Variants in DOCK9 observed in about 807,000 individuals in gnomAD.
The protein encoded by DOCK9 is dedicator of cytokinesis 9.
DOCK9 carries 89 observed loss-of-function variants against 263.3 expected under a neutral mutation model. The ratio of observed to expected loss-of-function variants is 0.34; its 90% CI spans 0.28 to 0.40. DOCK9 has a LOEUF of 0.40. Ranked by LOEUF, DOCK9 falls within the 10% of genes least tolerant of loss-of-function variation. The probability of loss-of-function intolerance (pLI) is 1.00; values close to 1 mark genes in which losing one functional copy is unlikely to be tolerated. For missense variants in DOCK9, 2,140 were observed against 2,603.4 expected (o/e 0.82, Z 3.87); for synonymous variants, 976 against 973.1 (o/e 1.00, Z -0.06).
chr13:98,795,226 T>C (rs1347250911), intron 52 of DOCK9, among the ~76,000 whole-genome samples: 1 of 152,206 alleles, frequency 6.6e-6, no homozygotes, highest in Non-Finnish European at 1.5e-5. Flanking sequence ...GCCTTGACCT[T>C]GAAAAAGCCT....
At chr13:99,002,800 G>A (rs1882622554) in intron 1 of DOCK9, among the ~76,000 whole-genome samples, 1 of 151,800 alleles carries the variant, frequency 6.6e-6, no homozygotes, top group South Asian at 2.1e-4. Flanking sequence ...CAGGGCTCTG[G>A]AACTAAGTGA....
intron 30 of DOCK9, among the ~76,000 whole-genome samples, chr13:98,866,455 G>A (rs1203455876): frequency 6.6e-6 from 1 of 152,212 alleles, no homozygotes; most frequent in Non-Finnish European, 1.5e-5. Context: ...GAATTCAGAA[G>A]CAGTTGATTC....
At chr13:99,004,246 T>C (rs1311961668) in intron 1 of DOCK9, among the ~76,000 whole-genome samples, 1 of 152,188 alleles carries the variant, frequency 6.6e-6, no homozygotes, top group Non-Finnish European at 1.5e-5. Context: ...TTTCATATCA[T>C]ACCACCCTGT....
At chr13:98,899,031 A>T (rs2047857834) in intron 13 of DOCK9, among the ~76,000 whole-genome samples, 1 of 151,182 alleles carries the variant, frequency 6.6e-6, no homozygotes, top group Non-Finnish European at 1.5e-5. Context: ...AGTTACAGTG[A>T]AGGGTCTTTT....
At chr13:98,871,074 T>G (rs577571129) in intron 27 of DOCK9, among the ~76,000 whole-genome samples, 42 of 152,264 alleles carry the variant, frequency 2.8e-4, no homozygotes, top group Non-Finnish European at 4.6e-4. Context: ...ATAGACTGGG[T>G]GTTAGATGAT....
chr13:99,082,175 A>T (rs932568850), intron 1 of DOCK9, among the ~76,000 whole-genome samples: 1 of 152,154 alleles, frequency 6.6e-6, no homozygotes, highest in African/African-American at 2.4e-5. Context: ...AGCCATGATC[A>T]TGCCACTACA....
intron 1 of DOCK9, among the ~76,000 whole-genome samples, chr13:99,043,001 G>C (rs1888614930): frequency 6.6e-6 from 1 of 152,148 alleles, no homozygotes; most frequent in African/African-American, 2.4e-5. Context: ...TGAGCTCTCT[G>C]ACCCAGAGAC....
intron 7 of DOCK9, among the ~76,000 whole-genome samples, chr13:98,917,254 T>C (rs977781864): frequency 6.6e-6 from 1 of 152,242 alleles, no homozygotes; most frequent in Non-Finnish European, 1.5e-5. Flanking sequence ...AATTACTTCC[T>C]ACTTTAAAAA....
chr13:98,831,576 G>C (rs369270078), intron 40 of DOCK9, 46 bp from the exon 41 acceptor site: 12 of 1,592,698 alleles, frequency 7.5e-6, no homozygotes, highest in Non-Finnish European at 9.4e-6. Context: ...AGACAGGTCA[G>C]TGCTCGGTAA....
chr13:99,060,299 G>A (rs545749999), intron 1 of DOCK9, among the ~76,000 whole-genome samples: 5 of 151,726 alleles, frequency 3.3e-5, no homozygotes, highest in African/African-American at 2.4e-5. Context: ...GGATGGTCTC[G>A]ATCTCCTGAC....
Position 98,797,499 on chromosome 13 carries a change from G to A in DOCK9, c.5917-10C>T. On this transcript the variant is annotated splice_polypyrimidine_tract_variant and intron_variant, in intron 50 of 52. Transcript: ENST00000682017. ...GTGGGCCAGCATTGACCTAGACAAA[G>A]AGCAAAGATTTTCAGTTCCACTAGG... 1 of 1,602,010 alleles carries A rather than the reference G, an allele frequency of 6.2e-7. No individual in the cohort carries two copies. Among genetic ancestry groups the A allele is most frequent in the Non-Finnish European group, 8.5e-7 (1 of 1,173,038 alleles).
chr13:99,006,947 C>G (rs1316874876), intron 1 of DOCK9, among the ~76,000 whole-genome samples: 1 of 152,002 alleles, frequency 6.6e-6, no homozygotes, highest in Non-Finnish European at 1.5e-5. Flanking sequence ...AAAAAGTTAG[C>G]TAGGCATGGT....
intron 1 of DOCK9, among the ~76,000 whole-genome samples, chr13:99,070,307 A>T (rs2041612578): frequency 6.6e-6 from 1 of 152,210 alleles, no homozygotes; most frequent in Non-Finnish European, 1.5e-5. Context: ...TTCTTAATAG[A>T]TTATTACCTA....
At position 98,863,408 on chromosome 13, in the gene DOCK9, G is replaced by T; in HGVS notation, c.3427C>A (p.Leu1143Met). The T allele has an allele frequency of 6.2e-7, 1 of 1,613,918 alleles. No homozygotes were observed. The highest frequency in any genetic ancestry group is 8.5e-7 in the Non-Finnish European group (1 of 1,179,890). Residue 1143 changes from leucine (L) to methionine (M), a missense_variant, in exon 31 of 53, where the codon CTG (leucine) becomes ATG (methionine). Leu to Met is a conservative substitution (Grantham distance 15). This residue lies in a region of DOCK9 where 1,521 missense variants were observed against 1,741.7 expected (regional missense o/e 0.87). Transcript: ENST00000682017. ...CTGTCATCAAAAGAATGCTTTATCA[G>T]CAGGTTCTTGAGCACACTGATGGCG... ...LIAISVLKNLLIKHSFDDRYA... is the reference protein window; with the variant it reads ...LIAISVLKNLMIKHSFDDRYA...
chr13:98,904,742 A>G (rs2048831391), intron 9 of DOCK9, 36 bp from the exon 10 acceptor site: 1 of 1,522,644 alleles, frequency 6.6e-7, no homozygotes, highest in Non-Finnish European at 8.9e-7. Context: ...CATTTAACAC[A>G]ATCCTTTTCT....
upstream of DOCK9, among the ~76,000 whole-genome samples, chr13:98,981,465 C>A (rs1040226174): frequency 2.6e-5 from 4 of 152,106 alleles, no homozygotes; most frequent in African/African-American, 9.7e-5. Context: ...AATGCAGTGA[C>A]AAAATTCACA....
At chr13:99,002,285 A>G (rs1008328416) in intron 1 of DOCK9, among the ~76,000 whole-genome samples, 3 of 152,134 alleles carry the variant, frequency 2.0e-5, no homozygotes, top group African/African-American at 4.8e-5. Context: ...GGAGGATCTA[A>G]TATCACCCCT....
chr13:98,853,669 A>G, intron 34 of DOCK9, 147 bp from the exon 35 acceptor site: 1 of 653,006 alleles, frequency 1.5e-6, no homozygotes. Context: ...ATTAAACCAC[A>G]GGCACCCTTT....
intron 38 of DOCK9, among the ~76,000 whole-genome samples, chr13:98,838,338 T>C (rs2093084548): frequency 6.6e-6 from 1 of 152,212 alleles, no homozygotes; most frequent in Non-Finnish European, 1.5e-5. Context: ...GTGAAGCTCT[T>C]GGAACAGTGC....
Sources: allele counts gnomAD v4.1 joint callset (sites outside exome capture counted in the v4.1 genomes callset), GRCh38; gene constraint gnomAD v4.1.1; regional missense constraint gnomAD v4.1.1; transcripts MANE v1.5; gene names NCBI Gene and HGNC (gene_info 2026-07-23, HGNC 2026-07-21).